The following MTMR8 variants were observed in gnomAD, a reference collection of about 807,000 sequenced individuals.
MTMR8 encodes phosphatidylinositol-3,5-bisphosphate 3-phosphatase MTMR8.
Under a neutral mutation model 39.3 loss-of-function variants are expected in MTMR8, and 65 were observed. That is an observed-to-expected ratio of 1.65 (90% CI 1.35 to 2.03). MTMR8 has a LOEUF of 2.03. MTMR8 is among the 30% of genes most tolerant of loss of function. MTMR8 has a pLI of 0.00. For synonymous variants in MTMR8, 245 were observed against 185.2 expected (o/e 1.32, Z -2.62); for missense variants, 777 against 538.9 (o/e 1.44, Z -4.37).
intron 9 of MTMR8, 52 bp downstream of exon 9, chrX:64,337,216 T>C (rs1375198327): frequency 1.8e-6 from 2 of 1,139,531 alleles, no homozygotes; most frequent in East Asian, 6.1e-5. Flanking sequence ...TTTTTTATTT[T>C]GTCGCAATCT....
intron 1 of MTMR8, among the ~76,000 whole-genome samples, chrX:64,381,230 A>G (rs1341738618): frequency 1.8e-5 from 2 of 111,354 alleles, no homozygotes; most frequent in Non-Finnish European, 3.8e-5. Context: ...AAGTGTTCCT[A>G]TTTCTCCACA....
intron 12 of MTMR8, among the ~76,000 whole-genome samples, chrX:64,274,949 C>A (rs1421308200): frequency 2.7e-5 from 3 of 111,401 alleles, no homozygotes; most frequent in Non-Finnish European, 1.9e-5. Context: ...AAAGATACAG[C>A]TAGATAAAAG....
chrX:64,334,063 A>G (rs970644877), intron 10 of MTMR8, among the ~76,000 whole-genome samples: 2 of 110,874 alleles, frequency 1.8e-5, no homozygotes, highest in Non-Finnish European at 3.8e-5. Context: ...CCTTATCTGA[A>G]TCCATGGTTT....
Position 64,350,007 on chromosome X carries a change from C to A in MTMR8, c.532G>T (p.Gly178Ter). ...TCTTTACTTCTGAACTTTGAACTTCCAACCACCGTTCCCAAGGTAACAGAT... is the reference window on the plus strand; with the variant it reads ...TCTTTACTTCTGAACTTTGAACTTCAAACCACCGTTCCCAAGGTAACAGAT... ...PKSVTLGTVVGSSKFRSKERV... is the reference protein window; with the variant it reads ...PKSVTLGTVV Residue 178 changes from glycine to a stop codon, truncating the protein, a stop_gained, in exon 5 of 14, where the codon GGA becomes TGA. Coordinates refer to ENST00000374852, the MANE Select transcript of MTMR8 (RefSeq NM_017677.4). LOFTEE classifies it high-confidence loss of function. 3.3e-6 allele frequency: 4 copies of A among 1,195,881 alleles called. No individual in the cohort carries two copies. The highest frequency in any genetic ancestry group is 4.5e-6 in the Non-Finnish European group (4 of 886,263).
intron 1 of MTMR8, among the ~76,000 whole-genome samples, chrX:64,385,380 A>T (rs747338051): frequency 1.8e-5 from 2 of 111,685 alleles, no homozygotes; most frequent in South Asian, 7.6e-4. Flanking sequence ...AAACTCTTCC[A>T]ACCTCTGCCC....
At chrX:64,292,234 C>T (rs1921421919) in intron 12 of MTMR8, among the ~76,000 whole-genome samples, 1 of 111,970 alleles carries the variant, frequency 8.9e-6, no homozygotes, top group Admixed American at 9.5e-5. Flanking sequence ...GCTATCATGA[C>T]AATTATGCTT....
intron 9 of MTMR8, 66 bp downstream of exon 9, chrX:64,337,202 G>T: frequency 1.8e-6 from 2 of 1,119,291 alleles, no homozygotes; most frequent in South Asian, 2.1e-5. Context: ...TTGTTTGACA[G>T]TTATTTTTTA....
intron 12 of MTMR8, among the ~76,000 whole-genome samples, chrX:64,327,007 T>C (rs1223321221): frequency 3.6e-5 from 4 of 110,872 alleles, no homozygotes; most frequent in Admixed American, 9.6e-5. Context: ...TAGGTACATA[T>C]CTCTCATCAC....
intron 6 of MTMR8, among the ~76,000 whole-genome samples, chrX:64,346,605 G>T (rs1016025094): frequency 1.1e-4 from 12 of 109,877 alleles, no homozygotes; most frequent in Non-Finnish European, 2.1e-4. Flanking sequence ...ACCTAATGCA[G>T]ATAACTAGCT....
intron 1 of MTMR8, among the ~76,000 whole-genome samples, chrX:64,363,941 G>C (rs192486736): frequency 1.6e-4 from 17 of 109,057 alleles, no homozygotes; most frequent in African/African-American, 5.4e-4. Context: ...ATTATATCCC[G>C]TGCCTAGCTC....
chrX:64,315,505 C>T (rs182193813), intron 12 of MTMR8, among the ~76,000 whole-genome samples: 82 of 111,971 alleles, frequency 7.3e-4, no homozygotes, highest in African/African-American at 2.4e-3. Flanking sequence ...AGCCATCTTG[C>T]CCAAATAAAT....
At chrX:64,359,609 C>A (rs113282706) in intron 1 of MTMR8, 82 bp from the exon 2 acceptor site, 7 of 995,653 alleles carry the variant, frequency 7.0e-6, no homozygotes, top group Non-Finnish European at 9.4e-6. Flanking sequence ...GCAAGATAAA[C>A]GCTGTTAATT....
chrX:64,330,244 G>A (rs73524703), intron 11 of MTMR8, among the ~76,000 whole-genome samples: 182 of 112,033 alleles, frequency 1.6e-3, no homozygotes, highest in African/African-American at 5.1e-3. Flanking sequence ...GTTTTAACGC[G>A]TAGGTAAACA....
chrX:64,362,117 A>G (rs1321626080), intron 1 of MTMR8, among the ~76,000 whole-genome samples: 1 of 110,365 alleles, frequency 9.1e-6, no homozygotes, highest in Non-Finnish European at 1.9e-5. Context: ...AGCTTAATTA[A>G]CCAAGTATAC....
chrX:64,317,111 C>CAA (rs1203927676), intron 12 of MTMR8, among the ~76,000 whole-genome samples: 3,145 of 46,031 alleles, frequency 0.068, 215 homozygotes, highest in African/African-American at 0.18. Flanking sequence ...GACTGTGTCT[C>CAA]AAAAAAAAAA....
intron 2 of MTMR8, among the ~76,000 whole-genome samples, chrX:64,357,587 C>T (rs1458220107): frequency 9.0e-6 from 1 of 110,753 alleles, no homozygotes; most frequent in African/African-American, 3.3e-5. Context: ...GCTACCATGC[C>T]TGGCTAATTT....
chrX:64,374,820 AACAG>A (rs1924222578), intron 1 of MTMR8, among the ~76,000 whole-genome samples: 2 of 110,444 alleles, frequency 1.8e-5, no homozygotes, highest in East Asian at 5.7e-4. Flanking sequence ...GTGTCCTTAT[AACAG>A]ACAGAGAGGA....
At chrX:64,269,444 C>T (rs1272444445) in intron 13 of MTMR8, among the ~76,000 whole-genome samples, 1 of 111,372 alleles carries the variant, frequency 9.0e-6, no homozygotes, top group Admixed American at 9.5e-5. Flanking sequence ...GAAACTGAGG[C>T]TCAGAGAAGT....
intron 9 of MTMR8, among the ~76,000 whole-genome samples, chrX:64,336,993 A>T (rs1387188209): frequency 9.0e-6 from 1 of 111,689 alleles, no homozygotes; most frequent in East Asian, 2.8e-4. Context: ...ACAGTCATCC[A>T]TTAAGCTCTG....
Sources: gnomAD v4.1 joint callset for allele counts (sites outside exome capture counted in the v4.1 genomes callset) on GRCh38, gnomAD v4.1.1 for gene constraint, MANE v1.5 for transcripts, NCBI Gene and HGNC (gene_info 2026-07-23, HGNC 2026-07-21) for gene names.